The following POF1B variants were observed in gnomAD, a reference collection of about 807,000 sequenced individuals.
POF1B encodes POF1B actin binding protein.
Under a neutral mutation model 55.3 loss-of-function variants are expected in POF1B, and 53 were observed. The observed-to-expected ratio is 0.96, with a 90% CI of 0.77 to 1.20. The LOEUF is 1.20. Ranked by LOEUF, POF1B falls within the 50% of genes most tolerant of loss-of-function variation. The probability of loss-of-function intolerance (pLI) is 0.00; values close to 1 mark genes in which losing one functional copy is unlikely to be tolerated. For synonymous variants in POF1B, 188 were observed against 148.3 expected (o/e 1.27, Z -1.95); for missense variants, 478 against 420.5 (o/e 1.14, Z -1.20).
At chrX:85,376,909 A>G (rs367766013) in intron 2 of POF1B, among the ~76,000 whole-genome samples, 13 of 111,522 alleles carry the variant, frequency 1.2e-4, no homozygotes, top group African/African-American at 3.9e-4. Flanking sequence ...AATTCCCTGA[A>G]TGTCTTCCAA....
intron 2 of POF1B, among the ~76,000 whole-genome samples, chrX:85,372,343 CAAA>C (rs35860898): frequency 1.6e-4 from 10 of 64,465 alleles, no homozygotes; most frequent in Non-Finnish European, 1.7e-4. Context: ...GACTCTGTCT[CAAA>C]AAAAAAAAAA....
intron 15 of POF1B, among the ~76,000 whole-genome samples, chrX:85,288,712 T>G (rs1043919158): frequency 8.1e-5 from 9 of 111,127 alleles, no homozygotes; most frequent in Non-Finnish European, 1.3e-4. Flanking sequence ...TGAAATCTTA[T>G]GGGTTTATCA....
chrX:85,352,130 T>A (rs1020430552), intron 4 of POF1B, among the ~76,000 whole-genome samples: 4 of 110,902 alleles, frequency 3.6e-5, no homozygotes, highest in Non-Finnish European at 7.6e-5. Flanking sequence ...TGGTGACATG[T>A]CCAAAATCTG....
chrX:85,285,127 C>T (rs866439695), intron 15 of POF1B, among the ~76,000 whole-genome samples: 10 of 111,214 alleles, frequency 9.0e-5, no homozygotes, highest in East Asian at 2.8e-4. Context: ...CTTAGAATGG[C>T]GATCATTAAA....
chrX:85,322,425 T>C (rs951820620), intron 7 of POF1B, among the ~76,000 whole-genome samples: 2 of 111,139 alleles, frequency 1.8e-5, no homozygotes, highest in African/African-American at 3.3e-5. Context: ...CTTCCTTACA[T>C]CTTATACAAA....
intron 5 of POF1B, among the ~76,000 whole-genome samples, chrX:85,350,994 G>A (rs1328166251): frequency 2.7e-5 from 3 of 111,559 alleles, no homozygotes; most frequent in Non-Finnish European, 3.8e-5. Flanking sequence ...TATATTAAAA[G>A]AATTAGAACA....
At chrX:85,345,716 TA>T in intron 6 of POF1B, 143 bp downstream of exon 6, 2 of 513,685 alleles carry the variant, frequency 3.9e-6, no homozygotes, top group Non-Finnish European at 5.9e-6. Flanking sequence ...AGATTTGTTC[TA>T]AAAATGCTGA....
chrX:85,318,448 T>A (rs925452653), intron 7 of POF1B, among the ~76,000 whole-genome samples: 6 of 111,708 alleles, frequency 5.4e-5, no homozygotes, highest in Non-Finnish European at 1.1e-4. Context: ...CTTTGTCAGG[T>A]CTTATGTCTA....
chrX:85,316,815 C>A (rs1229096437), intron 7 of POF1B, among the ~76,000 whole-genome samples: 1 of 110,102 alleles, frequency 9.1e-6, no homozygotes, highest in East Asian at 2.9e-4. Context: ...CAAATGATTT[C>A]ATCAATGAGG....
At chrX:85,378,709 G>A (rs1933960575) in intron 2 of POF1B, among the ~76,000 whole-genome samples, 1 of 112,045 alleles carries the variant, frequency 8.9e-6, no homozygotes, top group African/African-American at 3.2e-5. Context: ...TCCTGGAGCA[G>A]CTATACTATT....
chrX:85,309,210 G>T (rs935346061), intron 9 of POF1B, among the ~76,000 whole-genome samples: 3 of 109,757 alleles, frequency 2.7e-5, no homozygotes, highest in African/African-American at 9.9e-5. Context: ...TACATAGAGT[G>T]TACACCAAGT....
At chrX:85,286,453 A>T (rs1465364311) in intron 15 of POF1B, among the ~76,000 whole-genome samples, 1 of 111,770 alleles carries the variant, frequency 8.9e-6, no homozygotes, top group East Asian at 2.8e-4. Context: ...ATCCATATAG[A>T]TATGTATTGC....
rs147030302 is a variant in POF1B, at chrX:85,278,646, C to A, written c.*775G>T. ...TGCATACCACTATGAAAAAACTTAC[C>A]TTCCTTACACCTACTACTACCACAT... On this transcript the variant is annotated 3_prime_UTR_variant, in exon 17 of 17. Coordinates refer to ENST00000262753, the MANE Select transcript of POF1B (RefSeq NM_024921.4). 9.0e-3 allele frequency: 997 copies of A among 110,759 alleles called. 10 individuals are homozygous for A. The highest frequency in any genetic ancestry group is 0.047 in the Middle Eastern group (10 of 214). The allele number at this position is 110,759 out of a possible 1,213,427, so 9.1% of individuals were successfully genotyped here. A position where few individuals can be genotyped will look rare whatever the true frequency, so the allele number is the denominator to read the frequency against.
chrX:85,319,827 T>A (rs1485145181), intron 7 of POF1B, among the ~76,000 whole-genome samples: 1 of 111,481 alleles, frequency 9.0e-6, no homozygotes, highest in East Asian at 2.8e-4. Flanking sequence ...TGGCCTTAAG[T>A]TTTATTTTTT....
At chrX:85,371,646 T>C (rs1039627094) in intron 2 of POF1B, among the ~76,000 whole-genome samples, 6 of 111,366 alleles carry the variant, frequency 5.4e-5, no homozygotes, top group African/African-American at 2.0e-4. Context: ...AACCTAATTA[T>C]ATGGTTAAGT....
intron 3 of POF1B, among the ~76,000 whole-genome samples, chrX:85,363,129 T>C (rs573024094): frequency 1.1e-3 from 120 of 111,765 alleles, no homozygotes; most frequent in African/African-American, 3.6e-3. Context: ...TATTTGGATC[T>C]TCTCTCTTTT....
rs188020533 is a variant in POF1B at position 85,289,517 on chromosome X, G to A, written c.1650-7200C>T. Among the ~76,000 whole-genome samples the A allele has an allele frequency of 3.6e-5, 4 of 111,633 alleles. No individual in the cohort carries two copies. In the Admixed American group the frequency reaches 3.8e-4, roughly 11 times the overall value. ...CCTGAACTGCGATGGCAGCTCCCAA[G>A]CCACACATATATCCAATAGTGTAAA... On this transcript the variant is annotated intron_variant, in intron 15 of 16. Coordinates refer to ENST00000262753, the MANE Select transcript of POF1B (RefSeq NM_024921.4).
At chrX:85,365,822 A>G (rs941847856) in intron 3 of POF1B, among the ~76,000 whole-genome samples, 2 of 110,693 alleles carry the variant, frequency 1.8e-5, no homozygotes, top group Non-Finnish European at 3.8e-5. Flanking sequence ...AAGGTCTTTT[A>G]CTTGTCTCCT....
chrX:85,330,261 G>T (rs1932953248), intron 7 of POF1B, among the ~76,000 whole-genome samples: 1 of 109,563 alleles, frequency 9.1e-6, no homozygotes, highest in Admixed American at 9.8e-5. Context: ...ATTTTATATT[G>T]TGTTATATAA....
Sources: gnomAD v4.1 joint callset for allele counts (sites outside exome capture counted in the v4.1 genomes callset) on GRCh38, gnomAD v4.1.1 for gene constraint, MANE v1.5 for transcripts, NCBI Gene and HGNC (gene_info 2026-07-23, HGNC 2026-07-21) for gene names.